PARP16: variants seen among roughly 807,000 people sequenced by gnomAD.
The protein encoded by PARP16 is poly(ADP-ribose) polymerase family member 16.
In PARP16, 31 loss-of-function variants were observed where a neutral mutation model predicts 35.0. The observed-to-expected ratio is 0.88, with a 90% CI of 0.66 to 1.19. PARP16 has a LOEUF of 1.19. Ranked by LOEUF, PARP16 falls within the 50% of genes most tolerant of loss-of-function variation. The pLI, the probability that PARP16 is intolerant of heterozygous loss-of-function variation, is 0.00. For synonymous variants in PARP16, 162 were observed against 169.5 expected (o/e 0.96, Z 0.34); for missense variants, 424 against 411.2 (o/e 1.03, Z -0.27).
downstream of PARP16, among the ~76,000 whole-genome samples, chr15:65,231,855 A>AT (rs2088781395): frequency 1.3e-5 from 2 of 151,474 alleles, no homozygotes; most frequent in South Asian, 2.1e-4. Context: ...CTTGTCTCTC[A>AT]TTTTTTCCAT....
At chr15:65,260,042 G>A (rs1185583147) in intron 5 of PARP16, among the ~76,000 whole-genome samples, 1 of 152,170 alleles carries the variant, frequency 6.6e-6, no homozygotes, top group African/African-American at 2.4e-5. Flanking sequence ...GAATTTTCAA[G>A]GATAAAAAGT....
intron 3 of PARP16, among the ~76,000 whole-genome samples, chr15:65,244,478 T>C (rs1055097766): frequency 3.3e-5 from 5 of 152,224 alleles, no homozygotes; most frequent in East Asian, 1.9e-4. Context: ...AGAACTCCCC[T>C]TTATAAAACC....
intron 3 of PARP16, among the ~76,000 whole-genome samples, chr15:65,237,245 C>T (rs1479778340): frequency 2.0e-5 from 3 of 152,102 alleles, no homozygotes; most frequent in Admixed American, 2.0e-4. Context: ...GAGCACCCTA[C>T]ACTTAACCTA....
chr15:65,244,001 G>A (rs1207034818), intron 3 of PARP16, among the ~76,000 whole-genome samples: 1 of 152,054 alleles, frequency 6.6e-6, no homozygotes, highest in Non-Finnish European at 1.5e-5. Flanking sequence ...CCCTCACCAT[G>A]TTCCAGTAAT....
chr15:65,284,865 T>C (rs1303397778), intron 1 of PARP16, among the ~76,000 whole-genome samples: 3 of 137,830 alleles, frequency 2.2e-5, no homozygotes, highest in African/African-American at 8.0e-5. Flanking sequence ...TTGCCCAGGC[T>C]GGAGGGCAGT....
At position 65,286,578 on chromosome 15, in the gene PARP16, G is replaced by A. The variant is rs2090604975; in HGVS notation, c.-152C>T. 3.7e-6 allele frequency: 2 copies of A among 545,668 alleles called. No homozygotes were observed. The highest frequency in any genetic ancestry group is 2.6e-5 in the South Asian group (1 of 38,854). The allele number at this position is 545,668 out of a possible 1,614,324, so 33.8% of individuals were successfully genotyped here. ...AGCTAGGCAGGGGGCTGAGATGACA[G>A]GGGTGAGAACGTGCCGACAAGTGTC... On this transcript the variant is annotated 5_prime_UTR_variant, in exon 1 of 6. Transcript: ENST00000649807.
intron 2 of PARP16, among the ~76,000 whole-genome samples, chr15:65,249,052 G>A (rs1380297442): frequency 6.6e-6 from 1 of 152,190 alleles, no homozygotes; most frequent in Non-Finnish European, 1.5e-5. Context: ...AAACCGCTCA[G>A]CCACCAGCCT....
At chr15:65,253,150 AAAC>A (rs1366285274), downstream of PARP16, among the ~76,000 whole-genome samples, 18 of 94,268 alleles carry the variant, frequency 1.9e-4, no homozygotes, top group East Asian at 3.7e-3. Flanking sequence ...AAAAAAAACA[AAAC>A]AAACAAAAAA....
chr15:65,236,599 A>G (rs2088883626), intron 3 of PARP16, among the ~76,000 whole-genome samples: 1 of 152,226 alleles, frequency 6.6e-6, no homozygotes, highest in Non-Finnish European at 1.5e-5. Flanking sequence ...GGAAGTATGA[A>G]ACAAGACCGC....
intron 3 of PARP16, chr15:65,248,027 A>T: frequency 5.3e-6 from 2 of 375,934 alleles, no homozygotes; most frequent in Non-Finnish European, 5.3e-6. Flanking sequence ...GATGGTCTCG[A>T]TCTCCTGACC....
chr15:65,252,473 G>A (rs760076996), intron 2 of PARP16, among the ~76,000 whole-genome samples: 2 of 152,154 alleles, frequency 1.3e-5, no homozygotes, highest in South Asian at 2.1e-4. Context: ...AGCAGCCTGC[G>A]ATCCATGCTT....
chr15:65,236,248 C>A (rs1474890549), intron 3 of PARP16, among the ~76,000 whole-genome samples: 2 of 152,166 alleles, frequency 1.3e-5, no homozygotes, highest in Non-Finnish European at 2.9e-5. Flanking sequence ...ATACTACAAA[C>A]CCTGTGGTGC....
At chr15:65,261,827 C>T (rs1465148422) in intron 4 of PARP16, among the ~76,000 whole-genome samples, 1 of 152,108 alleles carries the variant, frequency 6.6e-6, no homozygotes, top group African/African-American at 2.4e-5. Flanking sequence ...ACCCTTCGTA[C>T]CAAGACTTGT....
intron 3 of PARP16, 82 bp from the exon 4 acceptor site, chr15:65,263,402 C>G (rs996221406): frequency 1.1e-5 from 13 of 1,206,646 alleles, no homozygotes; most frequent in Non-Finnish European, 1.5e-5. Context: ...GGTCTCTCTT[C>G]AAGAGTTGTA....
intron 1 of PARP16, among the ~76,000 whole-genome samples, chr15:65,284,936 G>C (rs1447802745): frequency 6.8e-6 from 1 of 147,914 alleles, no homozygotes; most frequent in Non-Finnish European, 1.5e-5. Flanking sequence ...TCCCGCCTCA[G>C]CCTCCCAAGT....
At chr15:65,255,702 G>C (rs1426517592), downstream of PARP16, among the ~76,000 whole-genome samples, 1 of 150,704 alleles carries the variant, frequency 6.6e-6, no homozygotes, top group Non-Finnish European at 1.5e-5. Context: ...TGCAGGGAGG[G>C]GGGTTGGAGG....
chr15:65,286,488 T>G lies in PARP16; in HGVS notation c.-62A>C. 1 of 1,289,518 alleles carries G rather than the reference T, an allele frequency of 7.8e-7. No homozygotes were observed. Among genetic ancestry groups the G allele is most frequent in the East Asian group, 3.0e-5 (1 of 32,970 alleles). 79.9% of individuals were successfully genotyped at this position (1,289,518 alleles called of 1,614,324 possible). On this transcript the variant is annotated 5_prime_UTR_variant, in exon 1 of 6. Coordinates refer to ENST00000649807, the MANE Select transcript of PARP16 (RefSeq NM_001316943.2). Reference sequence around the variant, plus strand: ...GTTAGGGGCAAGGGCGAGCGTGCGTTCAGCGCGGGGGCTGGGCCCGCGGAC... The same window carrying G: ...GTTAGGGGCAAGGGCGAGCGTGCGTGCAGCGCGGGGGCTGGGCCCGCGGAC...
chr15:65,259,434 T>C lies in PARP16; in HGVS notation c.942A>G (p.Gln314=). The C allele has an allele frequency of 6.2e-7, 1 of 1,614,038 alleles. No homozygotes were observed. The highest frequency in any genetic ancestry group is 8.5e-7 in the Non-Finnish European group (1 of 1,179,976). Residue 314 remains glutamine (Q), a synonymous_variant, in exon 6 of 6, where the codon CAA becomes CAG. Coordinates refer to ENST00000649807, the MANE Select transcript of PARP16 (RefSeq NM_001316943.2). ...ATCTTTTCGCACGATTCCAAAAGTGTTGGAAAGCAGAGGAGTTGATGACAC... is the reference window on the plus strand; with the variant it reads ...ATCTTTTCGCACGATTCCAAAAGTGCTGGAAAGCAGAGGAGTTGATGACAC... ...IVSVINSSAF[Q]HFWNRAKR is the part of the protein sequence containing the mutation.
intron 4 of PARP16, among the ~76,000 whole-genome samples, chr15:65,261,896 A>C (rs2089731993): frequency 6.6e-6 from 1 of 152,252 alleles, no homozygotes; most frequent in African/African-American, 2.4e-5. Flanking sequence ...GTTCTACAAA[A>C]AACTAGGAAG....
Sources: gnomAD v4.1 joint callset for allele counts (sites outside exome capture counted in the v4.1 genomes callset) on GRCh38, gnomAD v4.1.1 for gene constraint, MANE v1.5 for transcripts, NCBI Gene and HGNC (gene_info 2026-07-23, HGNC 2026-07-21) for gene names.